The following ELMO1 variants were observed in gnomAD, a reference collection of about 807,000 sequenced individuals.
ELMO1 encodes engulfment and cell motility protein 1.
In ELMO1, 26 loss-of-function variants were observed where a neutral mutation model predicts 98.9. The ratio of observed to expected loss-of-function variants is 0.26; its 90% confidence interval spans 0.19 to 0.36. ELMO1 has a LOEUF of 0.36. Ranked by LOEUF, ELMO1 falls within the 10% of genes least tolerant of loss-of-function variation. The pLI is 1.00. For missense variants in ELMO1, 627 were observed against 935.2 expected, an observed-to-expected ratio of 0.67 and a Z score of 4.30; for synonymous variants, 346 against 346.0, an observed-to-expected ratio of 1.00 and a Z score of 0.00.
Position 37,424,495 on chromosome 7 carries a change from G to A in ELMO1, c.-74+24180C>T, listed in dbSNP as rs191638270. Among the ~76,000 whole-genome samples the A allele has an allele frequency of 4.6e-3, 693 of 152,166 alleles. 16 individuals are homozygous for A. The highest frequency in any genetic ancestry group is 2.5e-3 in the East Asian group (13 of 5,170). ...GCTGATAAGATTCTGAGTCCTATCC[G>A]TTTTATTCCTGAACAAACCATATAT... On this transcript the variant is annotated intron_variant, in intron 1 of 21. Coordinates refer to ENST00000310758, the MANE Select transcript of ELMO1 (RefSeq NM_014800.11).
At chr7:36,919,844 T>G (rs1484322123) in intron 16 of ELMO1, among the ~76,000 whole-genome samples, 2 of 152,204 alleles carry the variant, frequency 1.3e-5, no homozygotes, top group Non-Finnish European at 2.9e-5. Context: ...ACAACCTGTC[T>G]AATCATTTCC....
At chr7:37,306,939 A>C (rs1798644093) in intron 4 of ELMO1, among the ~76,000 whole-genome samples, 1 of 152,166 alleles carries the variant, frequency 6.6e-6, no homozygotes, top group South Asian at 2.1e-4. Context: ...TGACTCAAAA[A>C]TCATATTCCT....
chr7:37,214,916 G>A (rs1220922797), intron 11 of ELMO1, among the ~76,000 whole-genome samples: 1 of 152,166 alleles, frequency 6.6e-6, no homozygotes, highest in Non-Finnish European at 1.5e-5. Flanking sequence ...AGTCATTAAT[G>A]CCACTCATAT....
intron 13 of ELMO1, among the ~76,000 whole-genome samples, chr7:37,150,344 GACAA>G (rs1788274507): frequency 2.0e-5 from 3 of 149,726 alleles, no homozygotes; most frequent in Middle Eastern, 3.4e-3. Context: ...AACAGACTGA[GACAA>G]ACAGAGATTA....
intron 2 of ELMO1, among the ~76,000 whole-genome samples, chr7:37,317,088 C>A (rs143047802): frequency 6.6e-6 from 1 of 152,006 alleles, no homozygotes; most frequent in African/African-American, 2.4e-5. Flanking sequence ...ATACAAAGGG[C>A]AAAAGACTTC....
chr7:37,143,173 G>T (rs1787749564), intron 13 of ELMO1, among the ~76,000 whole-genome samples: 1 of 152,128 alleles, frequency 6.6e-6, no homozygotes, highest in Non-Finnish European at 1.5e-5. Context: ...AACTCCCACC[G>T]GGTAGATGCT....
intron 16 of ELMO1, among the ~76,000 whole-genome samples, chr7:36,905,257 A>T (rs1035114875): frequency 1.3e-4 from 19 of 151,686 alleles, no homozygotes; most frequent in African/African-American, 4.4e-4. Flanking sequence ...TGGGGTGAAA[A>T]CAAAGCCTTT....
intron 13 of ELMO1, among the ~76,000 whole-genome samples, chr7:37,208,431 A>G (rs1792762021): frequency 6.6e-6 from 1 of 152,270 alleles, no homozygotes; most frequent in Non-Finnish European, 1.5e-5. Flanking sequence ...CATGAGAAAT[A>G]GCAGTCTTAA....
intron 14 of ELMO1, among the ~76,000 whole-genome samples, chr7:37,113,649 C>G (rs1451708964): frequency 6.6e-6 from 1 of 152,206 alleles, no homozygotes; most frequent in Non-Finnish European, 1.5e-5. Context: ...CGGAATTGCA[C>G]CCTTCCAAAA....
intron 2 of ELMO1, among the ~76,000 whole-genome samples, chr7:37,324,363 C>T (rs1387686707): frequency 6.6e-6 from 1 of 151,484 alleles, no homozygotes; most frequent in East Asian, 2.0e-4. Flanking sequence ...CTCTGACATC[C>T]ACTTCTCCGG....
rs1480048572 is a variant in ELMO1 at position 37,211,476 on chromosome 7, A to T, written c.996T>A (p.Phe332Leu). 6.2e-7 allele frequency: 1 copy of T among 1,614,054 alleles called. No individual in the cohort carries two copies. The highest frequency in any genetic ancestry group is 8.5e-7 in the Non-Finnish European group (1 of 1,179,972). ...TGTTGTTAGGTTCAGACTCAGCATC[A>T]AAAGCAATTCTTCGAAGTTCAAATA... ...DIIFELRRIAFDAESEPNNSS... is the reference protein window; with the variant it reads ...DIIFELRRIALDAESEPNNSS... Residue 332 changes from phenylalanine to leucine, a missense_variant, in exon 13 of 22, where the codon TTT (phenylalanine) becomes TTA (leucine). This residue lies in a region of ELMO1 where 492 missense variants were observed against 715.6 expected (regional missense o/e 0.69). Transcript: ENST00000310758.
At chr7:37,094,068 T>C (rs1306401275) in intron 15 of ELMO1, among the ~76,000 whole-genome samples, 1 of 152,232 alleles carries the variant, frequency 6.6e-6, no homozygotes, top group East Asian at 1.9e-4. Context: ...TCTGGTTCCT[T>C]TGTACCTGCA....
intron 16 of ELMO1, among the ~76,000 whole-genome samples, chr7:36,913,691 C>T (rs73689696): frequency 0.037 from 5,623 of 152,264 alleles, 182 homozygotes; most frequent in African/African-American, 0.092. Context: ...ACAGGCAAAC[C>T]AGAAGGTCAT....
At chr7:37,164,224 A>G (rs1789461851) in intron 13 of ELMO1, among the ~76,000 whole-genome samples, 1 of 152,142 alleles carries the variant, frequency 6.6e-6, no homozygotes, top group African/African-American at 2.4e-5. Context: ...TTCATTGTAG[A>G]TTCTGGATAT....
chr7:37,426,024 T>C (rs1804683616), intron 1 of ELMO1, among the ~76,000 whole-genome samples: 1 of 151,914 alleles, frequency 6.6e-6, no homozygotes, highest in Non-Finnish European at 1.5e-5. Flanking sequence ...GGAGCTAAGA[T>C]GGACAGAGGT....
At chr7:37,068,374 GAATATTT>G (rs1797093705) in intron 15 of ELMO1, among the ~76,000 whole-genome samples, 1 of 152,140 alleles carries the variant, frequency 6.6e-6, no homozygotes, top group Admixed American at 6.5e-5. Flanking sequence ...CTTAGTAATA[GAATATTT>G]GTGACCATTA....
In ELMO1 at chr7:37,166,948, T is replaced by C. The variant is rs536710131; in HGVS notation, c.1087-33714A>G. On this transcript the variant is annotated intron_variant, in intron 13 of 21. Coordinates refer to ENST00000310758, the MANE Select transcript of ELMO1 (RefSeq NM_014800.11). ...ATGTTGACAGTGGGGTGTTAAAGTC[T>C]CCCATTATTAATGTGTGGGAGTCTA... 2.8e-3 allele frequency among the ~76,000 whole-genome samples: 422 copies of C among 152,164 alleles called. 2 individuals carry two copies. Among genetic ancestry groups the C allele is most frequent in the African/African-American group, 9.5e-3 (393 of 41,496 alleles).
intron 15 of ELMO1, among the ~76,000 whole-genome samples, chr7:37,051,660 A>G (rs1020830059): frequency 1.3e-5 from 2 of 152,144 alleles, no homozygotes; most frequent in Non-Finnish European, 1.5e-5. Context: ...TGGGTGTAAC[A>G]CTGTTCTATA....
At chr7:37,056,327 T>A (rs1401118034) in intron 15 of ELMO1, among the ~76,000 whole-genome samples, 4 of 152,342 alleles carry the variant, frequency 2.6e-5, no homozygotes, top group African/African-American at 7.2e-5. Context: ...GCTTTTCACA[T>A]GTCAGTTCAC....
Sources: allele counts gnomAD v4.1 joint callset (sites outside exome capture counted in the v4.1 genomes callset), GRCh38; gene constraint gnomAD v4.1.1; regional missense constraint gnomAD v4.1.1; transcripts MANE v1.5; gene names NCBI Gene and HGNC (gene_info 2026-07-23, HGNC 2026-07-21).